Variants in ERBB4 observed in about 807,000 individuals in gnomAD.
ERBB4 encodes the protein receptor tyrosine-protein kinase erbB-4.
A neutral mutation model predicts 158.0 loss-of-function variants in ERBB4; 42 were observed. The ratio of observed to expected loss-of-function variants is 0.27; its 90% CI spans 0.21 to 0.34. ERBB4 has a LOEUF of 0.34. Ranked by LOEUF, ERBB4 falls within the 10% of genes least tolerant of loss-of-function variation. The pLI, the probability that ERBB4 is intolerant of heterozygous loss-of-function variation, is 1.00. For missense variants in ERBB4, 1,333 were observed against 1,624.1 expected (o/e 0.82, Z 3.08); for synonymous variants, 583 against 558.7 (o/e 1.04, Z -0.61).
At chr2:211,541,552 C>T (rs147028645) in intron 20 of ERBB4, among the ~76,000 whole-genome samples, 2 of 152,080 alleles carry the variant, frequency 1.3e-5, no homozygotes, top group Non-Finnish European at 2.9e-5. Context: ...ACTACCAAAG[C>T]TCAACCCTGG....
rs548891034 is a variant in ERBB4 at position 212,468,377 on chromosome 2, C to T, written c.82+70072G>A. On this transcript the variant is annotated intron_variant, in intron 1 of 27. Coordinates refer to ENST00000342788, the MANE Select transcript of ERBB4 (RefSeq NM_005235.3). The stretch of plus-strand genomic sequence containing the variant: ...ATTCCCATGCACTGTGGGAGGGACC[C>T]GGTGGAAGATGATTGAATCATGGGG... 2.6e-5 allele frequency among the ~76,000 whole-genome samples: 4 copies of T among 152,106 alleles called. No individual in the cohort carries two copies. The South Asian group carries it at 8.3e-4, about 32-fold the overall frequency.
chr2:211,385,605 A>C (rs1457204159), intron 27 of ERBB4, among the ~76,000 whole-genome samples: 2 of 152,196 alleles, frequency 1.3e-5, no homozygotes, highest in Non-Finnish European at 2.9e-5. Flanking sequence ...CTACACTAAA[A>C]TTCTGTACTC....
At chr2:212,127,879 T>C (rs2079991353) in intron 1 of ERBB4, among the ~76,000 whole-genome samples, 1 of 152,178 alleles carries the variant, frequency 6.6e-6, no homozygotes, top group African/African-American at 2.4e-5. Flanking sequence ...GGAAGAATTC[T>C]ACCTGGAGTT....
At chr2:211,781,970 A>G (rs986119425) in intron 4 of ERBB4, among the ~76,000 whole-genome samples, 4 of 152,104 alleles carry the variant, frequency 2.6e-5, no homozygotes, top group African/African-American at 9.7e-5. Flanking sequence ...CTGACCAGCC[A>G]TGTCTCATAT....
chr2:211,388,199 T>A (rs1264723308), intron 25 of ERBB4, among the ~76,000 whole-genome samples: 1 of 152,194 alleles, frequency 6.6e-6, no homozygotes, highest in African/African-American at 2.4e-5. Flanking sequence ...AAATAAATAT[T>A]TTAATTCAAT....
intron 2 of ERBB4, among the ~76,000 whole-genome samples, chr2:212,010,859 G>A (rs1485123421): frequency 6.6e-6 from 1 of 151,802 alleles, no homozygotes; most frequent in Admixed American, 6.6e-5. Context: ...CCTTTCTCAG[G>A]GTATTAATAT....
chr2:212,147,157 A>ATTT (rs71397161), intron 1 of ERBB4, among the ~76,000 whole-genome samples: 1,863 of 34,230 alleles, frequency 0.054, 386 homozygotes, highest in Middle Eastern at 0.12. Flanking sequence ...TGCCCAGCTA[A>ATTT]TTTTTTTTTT....
At chr2:211,494,262 G>A (rs1369973747) in intron 20 of ERBB4, among the ~76,000 whole-genome samples, 3 of 151,994 alleles carry the variant, frequency 2.0e-5, no homozygotes, top group African/African-American at 7.2e-5. Flanking sequence ...CTCGGCCTCC[G>A]AAAGTGCTGA....
intron 1 of ERBB4, among the ~76,000 whole-genome samples, chr2:212,431,513 G>C: frequency 6.6e-6 from 1 of 151,936 alleles, no homozygotes; most frequent in East Asian, 1.9e-4. Context: ...ATTTGCCTTT[G>C]ACTCTGTTCA....
intron 1 of ERBB4, among the ~76,000 whole-genome samples, chr2:212,504,691 T>C (rs1050024662): frequency 6.6e-6 from 1 of 152,170 alleles, no homozygotes; most frequent in Non-Finnish European, 1.5e-5. Context: ...TTTCTGCAGC[T>C]GAGCCCAGCG....
At chr2:212,184,836 C>T (rs1306934548) in intron 1 of ERBB4, among the ~76,000 whole-genome samples, 1 of 152,018 alleles carries the variant, frequency 6.6e-6, no homozygotes, top group Non-Finnish European at 1.5e-5. Context: ...AGGTTAATTT[C>T]ACAAGAAAAT....
rs142469494 is a variant in ERBB4, at chr2:212,091,372, C to T, written c.234+33380G>A. ...GCTCTTATTCTACCAGGCAGGTAAA[C>T]TAAAACATCAGGTGATTGGGATATG... On this transcript the variant is annotated intron_variant, in intron 2 of 27. Transcript: ENST00000342788. 4.0e-3 allele frequency among the ~76,000 whole-genome samples: 613 copies of T among 152,220 alleles called. 4 individuals carry two copies. Among genetic ancestry groups the T allele is most frequent in the African/African-American group, 0.014 (581 of 41,564 alleles).
intron 2 of ERBB4, among the ~76,000 whole-genome samples, chr2:212,114,232 G>C (rs2079507152): frequency 6.6e-6 from 1 of 152,192 alleles, no homozygotes; most frequent in Non-Finnish European, 1.5e-5. Flanking sequence ...AGACTAGGTA[G>C]TTAGTAAAAT....
intron 3 of ERBB4, among the ~76,000 whole-genome samples, chr2:211,815,139 G>C (rs893273709): frequency 6.6e-6 from 1 of 152,054 alleles, no homozygotes; most frequent in South Asian, 2.1e-4. Context: ...AAAAATCAAG[G>C]TTGAAGCTTA....
At chr2:211,679,460 A>T (rs1219374644) in intron 12 of ERBB4, among the ~76,000 whole-genome samples, 1 of 152,192 alleles carries the variant, frequency 6.6e-6, no homozygotes. Context: ...CAGGTGATAT[A>T]AATTATCTGT....
At chr2:212,181,955 C>CA (rs1447905408) in intron 1 of ERBB4, among the ~76,000 whole-genome samples, 1 of 151,692 alleles carries the variant, frequency 6.6e-6, no homozygotes, top group Non-Finnish European at 1.5e-5. Context: ...TGATACACTA[C>CA]AAAAAATGCT....
chr2:212,373,964 A>ATG lies in ERBB4; in HGVS notation c.82+164484_82+164485insCA, dbSNP rs2090211833. Among the ~76,000 whole-genome samples, 24 of 127,748 alleles carry ATG rather than the reference A, an allele frequency of 1.9e-4. 6 individuals are homozygous for ATG. In the South Asian group the frequency reaches 6.3e-3, roughly 33 times the overall value. 83.8% of individuals were successfully genotyped at this position (127,748 alleles called of 152,430 possible). On this transcript the variant is annotated intron_variant, in intron 1 of 27. Transcript: ENST00000342788. ...CCATATATATATCATATATATATCC[A>ATG]TATATATCCATATATATATATCCAT...
At position 212,243,958 on chromosome 2, in the gene ERBB4, C is replaced by T. The variant is rs909508802; in HGVS notation, c.83-119055G>A. On this transcript the variant is annotated intron_variant, in intron 1 of 27. Transcript: ENST00000342788. ...TATGAGGAAAGGTGTACTTTGAAAA[C>T]ATTAGAATGGAATATGGTATTCAAG... Among the ~76,000 whole-genome samples, 10 of 152,232 alleles carry T rather than the reference C, an allele frequency of 6.6e-5. No individual in the cohort carries two copies. The East Asian group carries it at 1.5e-3, about 24-fold the overall frequency.
intron 20 of ERBB4, among the ~76,000 whole-genome samples, chr2:211,451,964 G>A (rs1018981410): frequency 6.6e-5 from 10 of 151,910 alleles, no homozygotes; most frequent in Non-Finnish European, 8.8e-5. Flanking sequence ...GGCTTGTTTT[G>A]TCTTATCATC....
Sources: allele counts gnomAD v4.1 joint callset (sites outside exome capture counted in the v4.1 genomes callset), GRCh38; gene constraint gnomAD v4.1.1; transcripts MANE v1.5; gene names NCBI Gene and HGNC (gene_info 2026-07-23, HGNC 2026-07-21).